Variants in PCDHGA4 observed in about 807,000 individuals in gnomAD.
PCDHGA4 encodes the protein protocadherin gamma-A4.
In PCDHGA4, 38 loss-of-function variants were observed where a neutral mutation model predicts 54.6. The ratio of observed to expected loss-of-function variants is 0.70; its 90% confidence interval spans 0.54 to 0.91. PCDHGA4 has a LOEUF of 0.91. Among genes scored for constraint, PCDHGA4 ranks in the 40% least tolerant of loss-of-function variants. The pLI is 0.00. For synonymous variants in PCDHGA4, 511 were observed against 512.9 expected (o/e 1.00, Z 0.05); for missense variants, 1,298 against 1,220.9 (o/e 1.06, Z -0.94).
chr5:141,460,470 A>T (rs2098990057), intron 1 of PCDHGA4, among the ~76,000 whole-genome samples: 1 of 152,110 alleles, frequency 6.6e-6, no homozygotes, highest in South Asian at 2.1e-4. Flanking sequence ...TTTCCAAAGG[A>T]ATATCCAATT....
At chr5:141,384,276 C>T (rs1333595693) in intron 1 of PCDHGA4, 1 of 1,613,888 alleles carries the variant, frequency 6.2e-7, no homozygotes, top group South Asian at 1.1e-5. Context: ...CCTACTCAGT[C>T]TACATCGCTG....
At chr5:141,505,505 G>A (rs2099846270) in intron 3 of PCDHGA4, 24 bp downstream of exon 3, 1 of 1,614,132 alleles carries the variant, frequency 6.2e-7, no homozygotes, top group Non-Finnish European at 8.5e-7. Flanking sequence ...GTGTGTGTAT[G>A]GAAGAGTGGG....
chr5:141,455,148 A>G (rs6897410), intron 1 of PCDHGA4, among the ~76,000 whole-genome samples: 9,268 of 149,002 alleles, frequency 0.062, 567 homozygotes, highest in African/African-American at 0.16. Flanking sequence ...TTAAATAAAT[A>G]TTAGTTTGTT....
intron 1 of PCDHGA4, among the ~76,000 whole-genome samples, chr5:141,363,275 A>G (rs987748998): frequency 6.6e-6 from 1 of 152,224 alleles, no homozygotes; most frequent in African/African-American, 2.4e-5. Flanking sequence ...TTGCTTTTGA[A>G]TTTCCTAATT....
chr5:141,410,485 A>G, intron 1 of PCDHGA4: 3 of 1,614,016 alleles, frequency 1.9e-6, no homozygotes, highest in Non-Finnish European at 1.7e-6. Flanking sequence ...ATACGGGTAC[A>G]AAAGAGTTTA....
chr5:141,362,172 G>T (rs576630104), intron 1 of PCDHGA4: 108 of 1,613,978 alleles, frequency 6.7e-5, no homozygotes, highest in Middle Eastern at 4.9e-4. Flanking sequence ...GCGACCGCCG[G>T]GAGCCCTCTG....
chr5:141,388,374 A>G (rs1169150224), intron 1 of PCDHGA4: 1 of 1,614,020 alleles, frequency 6.2e-7, no homozygotes, highest in South Asian at 1.1e-5. Flanking sequence ...GGATATTGGT[A>G]GCAACACACT....
chr5:141,439,618 C>T (rs964445098), intron 1 of PCDHGA4, among the ~76,000 whole-genome samples: 2 of 152,178 alleles, frequency 1.3e-5, no homozygotes, highest in East Asian at 3.8e-4. Context: ...GATAAATGAG[C>T]CAATCCCCAG....
At chr5:141,474,834 A>G (rs557557147) in intron 1 of PCDHGA4, among the ~76,000 whole-genome samples, 4 of 152,380 alleles carry the variant, frequency 2.6e-5, no homozygotes, top group South Asian at 4.1e-4. Context: ...ACTCTGTGCC[A>G]GGCACTTTAC....
intron 1 of PCDHGA4, chr5:141,385,365 G>C: frequency 6.5e-7 from 1 of 1,539,374 alleles, no homozygotes; most frequent in Non-Finnish European, 8.7e-7. Flanking sequence ...GAATTTATTT[G>C]CATGATATTT....
intron 1 of PCDHGA4, among the ~76,000 whole-genome samples, chr5:141,380,756 T>C (rs777302606): frequency 2.0e-5 from 3 of 152,238 alleles, no homozygotes; most frequent in Non-Finnish European, 4.4e-5. Context: ...ACCAAGACAC[T>C]ATAAATTAAT....
chr5:141,421,420 G>C, intron 1 of PCDHGA4: 1 of 1,614,084 alleles, frequency 6.2e-7, no homozygotes, highest in Non-Finnish European at 8.5e-7. Context: ...GAAGCGCGGA[G>C]TCCGCATCGT....
intron 1 of PCDHGA4, chr5:141,441,971 G>C: frequency 3.3e-6 from 1 of 298,820 alleles, no homozygotes; most frequent in Admixed American, 4.4e-5. Flanking sequence ...AGGCTCTTCA[G>C]CCTGGAATGC....
chr5:141,503,212 C>G (rs1227936455), intron 2 of PCDHGA4, among the ~76,000 whole-genome samples: 1 of 152,074 alleles, frequency 6.6e-6, no homozygotes, highest in African/African-American at 2.4e-5. Flanking sequence ...CAGTGCCCAC[C>G]ATGAGCACCG....
chr5:141,447,119 A>AT (rs2098526425), intron 1 of PCDHGA4, among the ~76,000 whole-genome samples: 1 of 150,848 alleles, frequency 6.6e-6, no homozygotes, highest in South Asian at 2.1e-4. Flanking sequence ...TGCTCCATGG[A>AT]TTTTTTTGTT....
At chr5:141,413,271 C>T in intron 1 of PCDHGA4, 1 of 1,613,940 alleles carries the variant, frequency 6.2e-7, no homozygotes, top group Non-Finnish European at 8.5e-7. Flanking sequence ...AGGCTGGAGC[C>T]CGGCAGATCT....
intron 1 of PCDHGA4, chr5:141,413,740 C>T (rs1274240064): frequency 5.6e-6 from 9 of 1,613,284 alleles, no homozygotes; most frequent in African/African-American, 1.3e-5. Flanking sequence ...AGTTCAGAGC[C>T]GTGCCAATGG....
chr5:141,476,309 A>G lies in PCDHGA4; in HGVS notation c.2515-18498A>G. ...GGATCTCGGTAGCCTCTCAGCCCGC[A>G]GGTTCCGGGTGGTGTCTGGAGCTAG... On this transcript the variant is annotated intron_variant, in intron 1 of 3. Transcript: ENST00000571252. The surrounding 1 kb of genome is among the most constrained non-coding windows in gnomAD (Gnocchi z 7.6). The G allele has an allele frequency of 6.2e-7, 1 of 1,613,966 alleles. No homozygotes were observed. Among genetic ancestry groups the G allele is most frequent in the Non-Finnish European group, 8.5e-7 (1 of 1,179,988 alleles).
At chr5:141,449,261 G>A (rs148515123) in intron 1 of PCDHGA4, among the ~76,000 whole-genome samples, 101 of 152,156 alleles carry the variant, frequency 6.6e-4, no homozygotes, top group Non-Finnish European at 1.3e-3. Flanking sequence ...ATTGTACAAA[G>A]AACTGTATCT....
Sources: allele counts gnomAD v4.1 joint callset (sites outside exome capture counted in the v4.1 genomes callset), GRCh38; gene constraint gnomAD v4.1.1; non-coding constraint Gnocchi (gnomAD v3.1); transcripts MANE v1.5; gene names NCBI Gene and HGNC (gene_info 2026-07-23, HGNC 2026-07-21).